Variants in CFAP52 observed in about 807,000 individuals in gnomAD.
CFAP52 encodes cilia- and flagella-associated protein 52.
A neutral mutation model predicts 70.5 loss-of-function variants in CFAP52; 57 were observed. The ratio of observed to expected loss-of-function variants is 0.81; its 90% CI spans 0.65 to 1.01. The LOEUF (loss-of-function observed/expected upper bound fraction) is 1.01, where lower values mean the gene tolerates loss of function less well. Among genes scored for constraint, CFAP52 ranks in the 50% least tolerant of loss-of-function variants. CFAP52 has a pLI of 0.00. For missense variants in CFAP52, 785 were observed against 788.5 expected (o/e 1.00, Z 0.05); for synonymous variants, 267 against 292.5 (o/e 0.91, Z 0.89).
rs371529300 is a variant in CFAP52, at chr17:9,586,678, C to T, written c.271-20C>T. The T allele has an allele frequency of 2.8e-5, 44 of 1,595,480 alleles. No individual in the cohort carries two copies. Among genetic ancestry groups the T allele is most frequent in the Admixed American group, 3.6e-5 (2 of 56,264 alleles). On this transcript the variant is annotated intron_variant, in intron 2 of 13. Coordinates refer to ENST00000352665, the MANE Select transcript of CFAP52 (RefSeq NM_145054.5). ...CTTTTAATGCCTCCCTATGATCTGA[C>T]GGTGTGTTCTTGCCCCCAGGCAGAC...
At chr17:9,598,365 T>A in intron 5 of CFAP52, 32 bp downstream of exon 5, 1 of 1,565,964 alleles carries the variant, frequency 6.4e-7, no homozygotes, top group Non-Finnish European at 8.8e-7. Context: ...AAGTAACAAT[T>A]AGCACACGTT....
chr17:9,633,229 G>A (rs147867103), intron 10 of CFAP52, among the ~76,000 whole-genome samples, 196 bp downstream of exon 10: 6 of 152,286 alleles, frequency 3.9e-5, no homozygotes, highest in Admixed American at 3.3e-4. Flanking sequence ...TTGAAATGGA[G>A]TCTCACTCTG....
intron 8 of CFAP52, among the ~76,000 whole-genome samples, chr17:9,615,819 T>TTCC (rs145370335): frequency 2.4e-5 from 2 of 84,430 alleles, no homozygotes; most frequent in Non-Finnish European, 2.7e-5. Flanking sequence ...TTTTTTTTTT[T>TTCC]CCCAGAAACA....
At chr17:9,597,650 G>A (rs2085579) in intron 4 of CFAP52, 35,918 of 151,938 alleles carry the variant, frequency 0.24, 4,504 homozygotes, top group East Asian at 0.45. Flanking sequence ...TAAAAATACA[G>A]AAATTAGCTG....
Position 9,586,750 on chromosome 17 carries a change from C to G in CFAP52, c.323C>G (p.Ser108Cys). ...AACAGAGAGCTGCTTGCTCGGCTGTCCCTTCACAAAGGCAAAATTGAAGCT... is the reference window on the plus strand; with the variant it reads ...AACAGAGAGCTGCTTGCTCGGCTGTGCCTTCACAAAGGCAAAATTGAAGCT... ...YKNRELLARLSLHKGKIEALA... is the reference protein window; with the variant it reads ...YKNRELLARLCLHKGKIEALA... The change falls in exon 3 of 14, where the codon TCC (serine) becomes TGC (cysteine). Residue 108 changes from serine (S) to cysteine (C), a missense_variant. By Grantham distance (112) the Ser-to-Cys change is moderately radical. Transcript: ENST00000352665. 6.2e-7 allele frequency: 1 copy of G among 1,613,806 alleles called. No individual in the cohort carries two copies. Among genetic ancestry groups the G allele is most frequent in the Non-Finnish European group, 8.5e-7 (1 of 1,179,926 alleles).
intron 1 of CFAP52, chr17:9,584,127 G>C: frequency 8.7e-7 from 1 of 1,145,360 alleles, no homozygotes; most frequent in South Asian, 1.7e-5. Context: ...TACCAGGCTG[G>C]TCAGCCCATT....
chr17:9,579,962 C>A (rs891516287), intron 1 of CFAP52, among the ~76,000 whole-genome samples: 1 of 152,240 alleles, frequency 6.6e-6, no homozygotes, highest in South Asian at 2.1e-4. Flanking sequence ...TTTAAGCAAA[C>A]CAAATATACT....
intron 1 of CFAP52, among the ~76,000 whole-genome samples, chr17:9,577,717 A>G (rs1908028249): frequency 6.6e-6 from 1 of 152,218 alleles, no homozygotes; most frequent in Non-Finnish European, 1.5e-5. Context: ...TGGTTACAAG[A>G]TCATTGAGAA....
At chr17:9,597,990 G>C (rs1042236194) in intron 4 of CFAP52, among the ~76,000 whole-genome samples, 1 of 152,100 alleles carries the variant, frequency 6.6e-6, no homozygotes, top group Non-Finnish European at 1.5e-5. Flanking sequence ...AGAGTGAGAC[G>C]GAGCCAGGTG....
At chr17:9,593,483 T>C (rs995737497) in intron 3 of CFAP52, among the ~76,000 whole-genome samples, 2 of 152,306 alleles carry the variant, frequency 1.3e-5, no homozygotes, top group Admixed American at 1.3e-4. Context: ...CGAGACGCAG[T>C]CTCGCTCTCT....
intron 1 of CFAP52, among the ~76,000 whole-genome samples, chr17:9,583,584 T>C (rs995778205): frequency 6.6e-6 from 1 of 152,126 alleles, no homozygotes; most frequent in African/African-American, 2.4e-5. Flanking sequence ...AAGAAACATA[T>C]CCTGTTTTTA....
At chr17:9,612,685 A>G (rs1567629442) in intron 8 of CFAP52, among the ~76,000 whole-genome samples, 2 of 152,202 alleles carry the variant, frequency 1.3e-5, no homozygotes, top group South Asian at 4.1e-4. Context: ...GAGTTTCTTT[A>G]GAATATTGAC....
At chr17:9,596,061 A>ATGTGTATG (rs71135995) in intron 4 of CFAP52, among the ~76,000 whole-genome samples, 3 of 50,780 alleles carry the variant, frequency 5.9e-5, no homozygotes, top group African/African-American at 2.9e-4. Context: ...ATGTGTGTGT[A>ATGTGTATG]TATATATATA....
chr17:9,615,699 T>G (rs1378535413), intron 8 of CFAP52, among the ~76,000 whole-genome samples: 1 of 151,312 alleles, frequency 6.6e-6, no homozygotes. Flanking sequence ...AGCTCAGAAC[T>G]CCTGGGGTTA....
Position 9,612,479 on chromosome 17 carries a change from T to G in CFAP52, c.1025T>G (p.Phe342Cys), listed in dbSNP as rs778463578. 4 of 1,613,152 alleles carry G rather than the reference T, an allele frequency of 2.5e-6. No homozygotes were observed. In the Middle Eastern group the frequency reaches 6.6e-4, roughly 266 times the overall value. ...FDAVEDIVFPFGTAELFATCA... is the reference protein window; with the variant it reads ...FDAVEDIVFPCGTAELFATCA... ...GCTGTCGAGGATATTGTCTTTCCAT[T>G]GTGAGTAGAAGAGAAAAACAAGAAT... Residue 342 changes from phenylalanine (F) to cysteine (C), a missense_variant and splice_region_variant, in exon 8 of 14, where the codon TTT (phenylalanine) becomes TGT (cysteine). Coordinates refer to ENST00000352665, the MANE Select transcript of CFAP52 (RefSeq NM_145054.5).
chr17:9,616,512 CT>C (rs1394099523), intron 8 of CFAP52, among the ~76,000 whole-genome samples: 3 of 142,658 alleles, frequency 2.1e-5, no homozygotes, highest in Non-Finnish European at 4.6e-5. Context: ...TCAAGGAGGC[CT>C]GCCTGCCTCT....
intron 5 of CFAP52, 37 bp downstream of exon 5, chr17:9,598,370 C>T (rs1466940616): frequency 6.4e-7 from 1 of 1,559,100 alleles, no homozygotes; most frequent in Non-Finnish European, 8.8e-7. Flanking sequence ...ACAATTAGCA[C>T]ACGTTCCTGT....
chr17:9,594,354 A>G, intron 4 of CFAP52, 33 bp downstream of exon 4: 1 of 1,597,534 alleles, frequency 6.3e-7, no homozygotes, highest in South Asian at 1.1e-5. Flanking sequence ...TTCAGAACTC[A>G]TAAATTGCTA....
chr17:9,638,906 G>T (rs1910929391), intron 12 of CFAP52, 195 bp downstream of exon 12: 1 of 594,136 alleles, frequency 1.7e-6, no homozygotes, highest in Admixed American at 2.9e-5. Context: ...AGTGGAAATG[G>T]TACCACTGAC....
Sources: gnomAD v4.1 joint callset for allele counts (sites outside exome capture counted in the v4.1 genomes callset) on GRCh38, gnomAD v4.1.1 for gene constraint, MANE v1.5 for transcripts, NCBI Gene and HGNC (gene_info 2026-07-23, HGNC 2026-07-21) for gene names.